SARDH: variants seen among roughly 807,000 people sequenced by gnomAD.
SARDH encodes sarcosine dehydrogenase.
In SARDH, 95 loss-of-function variants were observed where a neutral mutation model predicts 109.1. The ratio of observed to expected loss-of-function variants is 0.87; its 90% CI spans 0.74 to 1.03. The LOEUF (loss-of-function observed/expected upper bound fraction) is 1.03, where lower values mean the gene tolerates loss of function less well. SARDH is among the 50% of genes least tolerant of loss of function. The pLI is 0.00. For synonymous variants in SARDH, 572 were observed against 534.8 expected (o/e 1.07, Z -0.96); for missense variants, 1,267 against 1,287.8 (o/e 0.98, Z 0.25).
intron 6 of SARDH, among the ~76,000 whole-genome samples, chr9:133,727,740 T>C (rs2131495500): frequency 6.6e-6 from 1 of 152,192 alleles, no homozygotes; most frequent in East Asian, 1.9e-4. Context: ...AGAGGCACGC[T>C]GGGATCTGGA....
intron 6 of SARDH, among the ~76,000 whole-genome samples, chr9:133,719,767 C>T (rs1832259689): frequency 6.6e-6 from 1 of 152,086 alleles, no homozygotes; most frequent in South Asian, 2.1e-4. Context: ...AGAGGCTCTC[C>T]AGTCCTCCCC....
intron 10 of SARDH, 49 bp from the exon 11 acceptor site, chr9:133,708,477 G>A (rs1831789448): frequency 6.4e-7 from 1 of 1,570,408 alleles, no homozygotes; most frequent in Admixed American, 1.7e-5. Context: ...GGCCCGTCAG[G>A]GAAGGGCTAG....
rs202085298 is a variant in SARDH at position 133,685,155 on chromosome 9, C to T, written c.2163+38G>A. 101 of 1,583,756 alleles carry T rather than the reference C, an allele frequency of 6.4e-5. 1 individual carries two copies. The African/African-American group carries it at 1.2e-3, about 19-fold the overall frequency. On this transcript the variant is annotated intron_variant, in intron 17 of 20. Transcript: ENST00000439388. ...CGGCGCACCCCTCACACCATGCTGC[C>T]ACCCACGACCCAGAGGACGTGGCCA... is the stretch of plus-strand genomic sequence containing the variant.
intron 6 of SARDH, among the ~76,000 whole-genome samples, chr9:133,727,942 C>G (rs1451478906): frequency 6.6e-6 from 1 of 152,096 alleles, no homozygotes. Context: ...TGTGGCCACC[C>G]TCCCTGACGC....
intron 19 of SARDH, among the ~76,000 whole-genome samples, chr9:133,668,304 C>CCCTCTCCCTCCCT (rs1175563633): frequency 7.4e-6 from 1 of 135,656 alleles, no homozygotes; most frequent in African/African-American, 2.8e-5. Flanking sequence ...CCTCCCTCTC[C>CCCTCTCCCTCCCT]CTCCCTCTCC....
chr9:133,686,563 T>A lies in SARDH; in HGVS notation c.2070-1277A>T, dbSNP rs760395796. Among the ~76,000 whole-genome samples the A allele has an allele frequency of 1.3e-5, 2 of 150,020 alleles. No homozygotes were observed. The highest frequency in any genetic ancestry group is 3.0e-5 in the Non-Finnish European group (2 of 67,558). On this transcript the variant is annotated intron_variant, in intron 16 of 20. Transcript: ENST00000439388. This position sits in a 1 kb window ranked among gnomAD's most constrained non-coding sequence, Gnocchi z 4.0. The stretch of plus-strand genomic sequence containing the variant: ...CCCCAGGAGCTCCGTGCCAACAGCA[T>A]CCCCCTATCCCAATGTGCCTGGCAC...
In SARDH at chr9:133,734,018, G is replaced by A. The variant is rs1832778660; in HGVS notation, c.156C>T (p.Thr52=). The part of the protein sequence containing the change: ...YQRTLKEGQG[T]SVVAQGPSRP... ...GGCTTGGGCCTTGGGCCACCACCGA[G>A]GTGCCCTGTCCCTCCTTCAGGGTCC... Residue 52 remains threonine (T), a synonymous_variant, in exon 2 of 21, where the codon ACC becomes ACT. Coordinates refer to ENST00000439388, the MANE Select transcript of SARDH (RefSeq NM_001134707.2). 3.1e-6 allele frequency: 5 copies of A among 1,613,068 alleles called. No homozygotes were observed. Among genetic ancestry groups the A allele is most frequent in the Non-Finnish European group, 4.2e-6 (5 of 1,179,954 alleles).
At chr9:133,675,746 A>T in intron 17 of SARDH, among the ~76,000 whole-genome samples, 1 of 152,256 alleles carries the variant, frequency 6.6e-6, no homozygotes, top group East Asian at 1.9e-4. Flanking sequence ...TCATATTCAC[A>T]GGGTTATTCA....
At position 133,730,115 on chromosome 9, in the gene SARDH, C is replaced by A. The variant is rs749045238; in HGVS notation, c.763G>T (p.Val255Leu). 1.5e-5 allele frequency: 24 copies of A among 1,614,114 alleles called. No homozygotes were observed. Among genetic ancestry groups the A allele is most frequent in the Non-Finnish European group, 1.9e-5 (23 of 1,180,052 alleles). The change falls in exon 5 of 21, where the codon GTG (valine) becomes TTG (leucine). Residue 255 changes from valine (V) to leucine (L), a missense_variant. By Grantham distance (32) the Val-to-Leu change is conservative. Coordinates refer to ENST00000439388, the MANE Select transcript of SARDH (RefSeq NM_001134707.2). ...TGGATGGAACCATGCTGAGTCTCCA[C>A]ACCCGCGACCCGCCGCACCCCAAAA... ...DDFGVRRVAG[V>L]ETQHGSIQTP...
At position 133,686,798 on chromosome 9, in the gene SARDH, G is replaced by T. The variant is rs1160284410; in HGVS notation, c.2070-1512C>A. Among the ~76,000 whole-genome samples, 1 of 152,196 alleles carries T rather than the reference G, an allele frequency of 6.6e-6. No individual in the cohort carries two copies. The highest frequency in any genetic ancestry group is 1.5e-5 in the Non-Finnish European group (1 of 68,034). ...GAGCCGCCACCCACGTCAGCCTGAG[G>T]TGCTCAGCTGTGGTACAGTTGGCCA... On this transcript the variant is annotated intron_variant, in intron 16 of 20. Transcript: ENST00000439388. This position sits in a 1 kb window ranked among gnomAD's most constrained non-coding sequence, Gnocchi z 4.0.
chr9:133,676,095 T>TA (rs35597342), intron 17 of SARDH, among the ~76,000 whole-genome samples: 38 of 117,134 alleles, frequency 3.2e-4, no homozygotes, highest in Middle Eastern at 3.8e-3. Context: ...TGTCTGAAAT[T>TA]AAAAAAAAAA....
chr9:133,727,530 G>A (rs1344017151), intron 6 of SARDH, among the ~76,000 whole-genome samples: 3 of 152,236 alleles, frequency 2.0e-5, no homozygotes, highest in African/African-American at 7.2e-5. Context: ...GCAGGTCAGG[G>A]CCAGCGGCCT....
chr9:133,660,002 C>T (rs761255074), downstream of SARDH, among the ~76,000 whole-genome samples: 1 of 152,116 alleles, frequency 6.6e-6, no homozygotes, highest in South Asian at 2.1e-4. Context: ...GGCCCAAGAG[C>T]GGCAGTGATT....
intron 17 of SARDH, among the ~76,000 whole-genome samples, chr9:133,678,608 C>T (rs534838484): frequency 3.9e-5 from 6 of 152,214 alleles, no homozygotes; most frequent in Admixed American, 2.0e-4. Flanking sequence ...CTGTCCCATG[C>T]CTGGGAGTGA....
chr9:133,694,610 C>A (rs115905130), intron 14 of SARDH, among the ~76,000 whole-genome samples: 2 of 152,326 alleles, frequency 1.3e-5, no homozygotes, highest in African/African-American at 4.8e-5. Context: ...GTCACCCTTG[C>A]GGGAAGGAAG....
intron 11 of SARDH, among the ~76,000 whole-genome samples, 156 bp downstream of exon 11, chr9:133,708,131 A>G (rs988262206): frequency 3.3e-5 from 5 of 152,058 alleles, no homozygotes; most frequent in Non-Finnish European, 7.4e-5. Context: ...TGCCCAACAC[A>G]TGGGGGTGCC....
chr9:133,715,953 C>G (rs1355914103), intron 8 of SARDH, among the ~76,000 whole-genome samples: 21 of 152,238 alleles, frequency 1.4e-4, no homozygotes, highest in Non-Finnish European at 2.9e-4. Context: ...CTTCCTGAAC[C>G]TCTCTCCCAG....
At chr9:133,703,930 T>G (rs1432559244) in intron 12 of SARDH, among the ~76,000 whole-genome samples, 1 of 151,958 alleles carries the variant, frequency 6.6e-6, no homozygotes, top group East Asian at 1.9e-4. Context: ...CGGGTGGGGG[T>G]GCAAAATCCG....
At chr9:133,735,654 C>T (rs1356683399) in intron 1 of SARDH, among the ~76,000 whole-genome samples, 1 of 152,230 alleles carries the variant, frequency 6.6e-6, no homozygotes, top group Non-Finnish European at 1.5e-5. Context: ...GGCCTTTCCC[C>T]TGGAGAGGGC....
Sources: allele counts gnomAD v4.1 joint callset (sites outside exome capture counted in the v4.1 genomes callset), GRCh38; gene constraint gnomAD v4.1.1; non-coding constraint Gnocchi (gnomAD v3.1); transcripts MANE v1.5; gene names NCBI Gene and HGNC (gene_info 2026-07-23, HGNC 2026-07-21).